Variants in ITGA1 observed in about 807,000 individuals in gnomAD.
The protein encoded by ITGA1 is integrin alpha-1.
A neutral mutation model predicts 145.9 loss-of-function variants in ITGA1; 85 were observed. That is an observed-to-expected ratio of 0.58 (90% confidence interval 0.49 to 0.70). The LOEUF is 0.70. ITGA1 is among the 30% of genes least tolerant of loss of function. ITGA1 has a pLI of 0.00. For synonymous variants in ITGA1, 520 were observed against 495.3 expected, an observed-to-expected ratio of 1.05 and a Z score of -0.66; for missense variants, 1,351 against 1,418.7, an observed-to-expected ratio of 0.95 and a Z score of 0.77.
chr5:52,851,658 A>C (rs938358657), intron 2 of ITGA1, among the ~76,000 whole-genome samples: 1 of 151,468 alleles, frequency 6.6e-6, no homozygotes, highest in Non-Finnish European at 1.5e-5. Context: ...TGTCTGAATG[A>C]ATCTACACTG....
rs527267123 is a variant in ITGA1, at chr5:52,870,038, T to C, written c.624+4221T>C. Among the ~76,000 whole-genome samples, 4 of 152,338 alleles carry C rather than the reference T, an allele frequency of 2.6e-5. No individual in the cohort carries two copies. In the East Asian group the frequency reaches 7.7e-4, roughly 29 times the overall value. Reference sequence around the variant, plus strand: ...AAAAGAAATCCTGTCATAGAAAATTTGGAAAGACATTTCCTTTTCAAAGAA... The same window carrying C: ...AAAAGAAATCCTGTCATAGAAAATTCGGAAAGACATTTCCTTTTCAAAGAA... On this transcript the variant is annotated intron_variant, in intron 6 of 28. Coordinates refer to ENST00000282588, the MANE Select transcript of ITGA1 (RefSeq NM_181501.2).
chr5:52,922,246 A>G (rs936977514), intron 17 of ITGA1, among the ~76,000 whole-genome samples: 2 of 152,198 alleles, frequency 1.3e-5, no homozygotes, highest in Non-Finnish European at 2.9e-5. Flanking sequence ...GGTTGCAGTG[A>G]GCCGAGATCG....
intron 1 of ITGA1, among the ~76,000 whole-genome samples, chr5:52,831,194 G>A (rs1749056220): frequency 6.6e-6 from 1 of 151,798 alleles, no homozygotes; most frequent in Non-Finnish European, 1.5e-5. Context: ...GGGCAATAAC[G>A]AAATCTTGGC....
chr5:52,896,349 C>T (rs984825270), intron 9 of ITGA1, among the ~76,000 whole-genome samples: 2 of 152,206 alleles, frequency 1.3e-5, no homozygotes, highest in African/African-American at 2.4e-5. Flanking sequence ...GAGAAAACAC[C>T]TGAAAGCATT....
intron 6 of ITGA1, among the ~76,000 whole-genome samples, chr5:52,877,564 C>T (rs1749887112): frequency 6.6e-6 from 1 of 152,196 alleles, no homozygotes. Flanking sequence ...AAAGTTATTA[C>T]TCCTTCCCTA....
intron 14 of ITGA1, among the ~76,000 whole-genome samples, chr5:52,911,534 T>TAC (rs1491496988): frequency 1.0e-5 from 1 of 97,456 alleles, no homozygotes; most frequent in African/African-American, 4.1e-5. Flanking sequence ...TATCTATATA[T>TAC]TAGATACATA....
chr5:52,816,016 G>A lies in ITGA1; in HGVS notation c.61+27602G>A, dbSNP rs374833637. Among the ~76,000 whole-genome samples, 304 of 152,288 alleles carry A rather than the reference G, an allele frequency of 2.0e-3. 1 individual carries two copies. Among genetic ancestry groups the A allele is most frequent in the Middle Eastern group, 0.014 (4 of 294 alleles). ...TAAGTAGTGGCTAAGGGGAAAGGCTGTGGAATTACACCACCTGAGTCTAAT... is the reference window on the plus strand; with the variant it reads ...TAAGTAGTGGCTAAGGGGAAAGGCTATGGAATTACACCACCTGAGTCTAAT... On this transcript the variant is annotated intron_variant, in intron 1 of 28. Coordinates refer to ENST00000282588, the MANE Select transcript of ITGA1 (RefSeq NM_181501.2).
chr5:52,876,380 T>C (rs2111795595), intron 6 of ITGA1, among the ~76,000 whole-genome samples: 1 of 152,294 alleles, frequency 6.6e-6, no homozygotes, highest in South Asian at 2.1e-4. Context: ...GTTTTGCCAT[T>C]ATTTTTAATA....
In ITGA1 at chr5:52,932,050, C is replaced by T. The variant is rs1187650078; in HGVS notation, c.2775C>T (p.Asp925=). 7 of 1,589,430 alleles carry T rather than the reference C, an allele frequency of 4.4e-6. No individual in the cohort carries two copies. The highest frequency in any genetic ancestry group is 6.0e-6 in the Non-Finnish European group (7 of 1,158,532). Residue 925 remains aspartate, a synonymous_variant, in exon 22 of 29, where the codon GAC becomes GAT. Transcript: ENST00000282588. ...GAATGTGCCGTGTATTTTCTAGTGA[C>T]AGCGAAGAACCTCCTGAAACCCTTT... is the stretch of plus-strand genomic sequence containing the variant. The part of the protein sequence containing the change: ...NVTIYLSATS[D]SEEPPETLSD...
In ITGA1 at chr5:52,929,648, G is replaced by A. The variant is rs200897561; in HGVS notation, c.2718G>A (p.Gln906=). The change falls in exon 21 of 29, where the codon CAG becomes CAA. Residue 906 remains glutamine (Q), a synonymous_variant. Coordinates refer to ENST00000282588, the MANE Select transcript of ITGA1 (RefSeq NM_181501.2). ...AGGTAACTTTCAAAATATTGTTTCA[G>A]TTTAACACATCCTATCTCATGGAAA... is the stretch of plus-strand genomic sequence containing the variant. ...GEMVTFKILF[Q]FNTSYLMENV... is the part of the protein sequence containing the mutation. 2.0e-5 allele frequency: 32 copies of A among 1,585,150 alleles called. No homozygotes were observed. The East Asian group carries it at 7.2e-4, about 36-fold the overall frequency.
At chr5:52,871,945 C>A (rs1749782776) in intron 6 of ITGA1, among the ~76,000 whole-genome samples, 1 of 152,196 alleles carries the variant, frequency 6.6e-6, no homozygotes, top group Middle Eastern at 3.4e-3. Flanking sequence ...TCTTATTGAT[C>A]CTCAATACCT....
intron 18 of ITGA1, among the ~76,000 whole-genome samples, chr5:52,923,862 A>G (rs1750765921): frequency 6.6e-6 from 1 of 152,242 alleles, no homozygotes; most frequent in Non-Finnish European, 1.5e-5. Flanking sequence ...GGTCATCAGC[A>G]GTGCTGATCC....
chr5:52,790,249 G>T (rs539894710), intron 1 of ITGA1, among the ~76,000 whole-genome samples: 47 of 152,234 alleles, frequency 3.1e-4, no homozygotes, highest in African/African-American at 1.1e-3. Context: ...TCTGTTTTTA[G>T]TCAAAAATCT....
intron 2 of ITGA1, among the ~76,000 whole-genome samples, chr5:52,858,801 G>T (rs1242339010): frequency 6.6e-6 from 1 of 151,940 alleles, no homozygotes; most frequent in Non-Finnish European, 1.5e-5. Flanking sequence ...ATAATAATAA[G>T]AACTAACATT....
At chr5:52,928,838 T>C (rs1750850998) in intron 20 of ITGA1, among the ~76,000 whole-genome samples, 1 of 152,224 alleles carries the variant, frequency 6.6e-6, no homozygotes, top group African/African-American at 2.4e-5. Flanking sequence ...GTTATTTTCC[T>C]TGTAAAAGTG....
At chr5:52,932,821 C>G (rs1188780468) in intron 22 of ITGA1, 4 of 152,024 alleles carry the variant, frequency 2.6e-5, no homozygotes, top group African/African-American at 9.7e-5. Flanking sequence ...TTTATTGAGC[C>G]TTTGTGTTCT....
At chr5:52,882,214 T>A (rs1749972123) in intron 7 of ITGA1, among the ~76,000 whole-genome samples, 193 bp downstream of exon 7, 3 of 152,222 alleles carry the variant, frequency 2.0e-5, no homozygotes, top group African/African-American at 7.2e-5. Flanking sequence ...ATCCTTCTTA[T>A]CCTTCTCTTG....
At position 52,880,216 on chromosome 5, in the gene ITGA1, A is replaced by G. The variant is rs74531973; in HGVS notation, c.625-1657A>G. 5.9e-3 allele frequency among the ~76,000 whole-genome samples: 905 copies of G among 152,202 alleles called. 21 individuals are homozygous for G. In the East Asian group the frequency reaches 0.081, roughly 14 times the overall value. ...TCTTAGACTAGACCCCCCTTCCACC[A>G]CTTCACTATAGGGATTGGGTGTTTT... On this transcript the variant is annotated intron_variant, in intron 6 of 28. Transcript: ENST00000282588.
chr5:52,790,562 G>A (rs1368006642), intron 1 of ITGA1, among the ~76,000 whole-genome samples: 1 of 152,178 alleles, frequency 6.6e-6, no homozygotes, highest in Non-Finnish European at 1.5e-5. Context: ...CTTGGCCTGT[G>A]GCCCCTTTCT....
Sources: gnomAD v4.1 joint callset for allele counts (sites outside exome capture counted in the v4.1 genomes callset) on GRCh38, gnomAD v4.1.1 for gene constraint, MANE v1.5 for transcripts, NCBI Gene and HGNC (gene_info 2026-07-23, HGNC 2026-07-21) for gene names.